Variants in KCNT2 observed in about 807,000 individuals in gnomAD.
KCNT2 encodes the protein potassium channel subfamily T member 2.
In KCNT2, 67 loss-of-function variants were observed where a neutral mutation model predicts 153.8. The ratio of observed to expected loss-of-function variants is 0.44; its 90% CI spans 0.36 to 0.53. KCNT2 has a LOEUF of 0.53. Ranked by LOEUF, KCNT2 falls within the 20% of genes least tolerant of loss-of-function variation. The pLI, the probability that KCNT2 is intolerant of heterozygous loss-of-function variation, is 0.00. For missense variants in KCNT2, 975 were observed against 1,354.8 expected, an observed-to-expected ratio of 0.72 and a Z score of 4.40; for synonymous variants, 500 against 458.8, an observed-to-expected ratio of 1.09 and a Z score of -1.15.
At chr1:196,305,194 G>A (rs1028477785) in intron 22 of KCNT2, 40 bp downstream of exon 22, 2 of 1,140,970 alleles carry the variant, frequency 1.8e-6, no homozygotes, top group African/African-American at 3.1e-5. Context: ...TCTGAATAAA[G>A]ATGGTTAAAT....
intron 8 of KCNT2, among the ~76,000 whole-genome samples, chr1:196,458,881 G>A (rs540755184): frequency 4.7e-4 from 71 of 151,954 alleles, no homozygotes; most frequent in Middle Eastern, 6.8e-3. Flanking sequence ...AACTTAATTA[G>A]CAATGGCATT....
At chr1:196,256,725 T>C (rs1293951441) in intron 26 of KCNT2, among the ~76,000 whole-genome samples, 1 of 150,428 alleles carries the variant, frequency 6.6e-6, no homozygotes, top group East Asian at 1.9e-4. Context: ...TATATATATA[T>C]ATATATCCTT....
intron 20 of KCNT2, among the ~76,000 whole-genome samples, chr1:196,316,681 A>G (rs1401955454): frequency 4.6e-5 from 7 of 151,682 alleles, no homozygotes; most frequent in Non-Finnish European, 8.9e-5. Flanking sequence ...AGTAATTGCT[A>G]AAGTAGGAAA....
In KCNT2 at chr1:196,400,205, G is replaced by T. The variant is rs934362910; in HGVS notation, c.1186-1534C>A. 1.3e-5 allele frequency among the ~76,000 whole-genome samples: 2 copies of T among 151,650 alleles called. 1 individual carries two copies. Among genetic ancestry groups the T allele is most frequent in the Admixed American group, 1.3e-4 (2 of 15,156 alleles). ...ATGCTTTTAAATCTGAGGTTTGAGGGTTATAGATAACTTAATGGAGGATTA... is the reference window on the plus strand; with the variant it reads ...ATGCTTTTAAATCTGAGGTTTGAGGTTTATAGATAACTTAATGGAGGATTA... On this transcript the variant is annotated intron_variant, in intron 12 of 27. Coordinates refer to ENST00000294725, the MANE Select transcript of KCNT2 (RefSeq NM_198503.5).
chr1:196,437,471 A>G (rs998662689), intron 8 of KCNT2, among the ~76,000 whole-genome samples: 1 of 145,014 alleles, frequency 6.9e-6, no homozygotes, highest in Non-Finnish European at 1.5e-5. Flanking sequence ...CATTTTGTTT[A>G]TTATCCTATA....
chr1:196,291,776 T>C (rs2147920146), intron 22 of KCNT2, among the ~76,000 whole-genome samples: 1 of 152,286 alleles, frequency 6.6e-6, no homozygotes, highest in South Asian at 2.1e-4. Flanking sequence ...ACTTCCGACT[T>C]ATTTTAAATT....
At chr1:196,334,578 G>A (rs1473574840) in intron 16 of KCNT2, among the ~76,000 whole-genome samples, 1 of 144,584 alleles carries the variant, frequency 6.9e-6, no homozygotes, top group Non-Finnish European at 1.5e-5. Context: ...AGGTTCAAGC[G>A]CCCCCTTTTC....
intron 8 of KCNT2, among the ~76,000 whole-genome samples, chr1:196,454,662 G>A (rs746459663): frequency 5.3e-5 from 8 of 151,802 alleles, no homozygotes; most frequent in Non-Finnish European, 1.0e-4. Flanking sequence ...TATATACCCA[G>A]TAATGGAATT....
At chr1:196,284,147 C>G (rs1386742284) in intron 23 of KCNT2, among the ~76,000 whole-genome samples, 21 of 143,918 alleles carry the variant, frequency 1.5e-4, no homozygotes, top group African/African-American at 5.4e-4. Context: ...AGGAGAATTG[C>G]ATGAACCTGG....
chr1:196,252,063 A>T (rs1278077822), intron 26 of KCNT2, among the ~76,000 whole-genome samples: 1 of 151,706 alleles, frequency 6.6e-6, no homozygotes. Context: ...AATTGTTAAT[A>T]TATTAGGGTT....
chr1:196,497,139 T>A (rs1680321033), intron 1 of KCNT2, among the ~76,000 whole-genome samples: 1 of 152,198 alleles, frequency 6.6e-6, no homozygotes, highest in Non-Finnish European at 1.5e-5. Context: ...TAATTACACT[T>A]GGCCCTTTGT....
intron 13 of KCNT2, among the ~76,000 whole-genome samples, chr1:196,378,680 C>T (rs12407653): frequency 0.3 from 44,152 of 147,980 alleles, 9,970 homozygotes; most frequent in African/African-American, 0.64. Flanking sequence ...TTTATATAGA[C>T]AAACAACATT....
chr1:196,291,836 A>C (rs965231940), intron 22 of KCNT2, among the ~76,000 whole-genome samples: 4 of 152,196 alleles, frequency 2.6e-5, no homozygotes, highest in Admixed American at 1.3e-4. Flanking sequence ...AGAATTTTTC[A>C]CTTCACTAAT....
intron 20 of KCNT2, 80 bp downstream of exon 20, chr1:196,319,404 A>G: frequency 2.5e-6 from 2 of 803,854 alleles, no homozygotes; most frequent in Non-Finnish European, 4.1e-6. Context: ...AATTACACTC[A>G]TCATGCAGTA....
chr1:196,569,930 T>A (rs907286964), intron 1 of KCNT2, among the ~76,000 whole-genome samples: 6 of 151,708 alleles, frequency 4.0e-5, no homozygotes, highest in African/African-American at 1.5e-4. Flanking sequence ...CTTCTAGGGG[T>A]GAAGAAAGGT....
chr1:196,602,296 T>C (rs902518919), intron 1 of KCNT2, among the ~76,000 whole-genome samples: 1 of 152,216 alleles, frequency 6.6e-6, no homozygotes, highest in Admixed American at 6.5e-5. Flanking sequence ...TGCTTTATTT[T>C]CTAAAGACAA....
intron 7 of KCNT2, among the ~76,000 whole-genome samples, chr1:196,466,825 C>T (rs771411456): frequency 6.6e-6 from 1 of 151,946 alleles, no homozygotes; most frequent in Non-Finnish European, 1.5e-5. Flanking sequence ...TTACAGCTAG[C>T]TTTGAAGTAC....
chr1:196,579,463 C>T (rs1440262922), intron 1 of KCNT2, among the ~76,000 whole-genome samples: 2 of 151,868 alleles, frequency 1.3e-5, no homozygotes, highest in African/African-American at 4.8e-5. Context: ...CACATGTACC[C>T]CTAAACCTAA....
intron 13 of KCNT2, among the ~76,000 whole-genome samples, chr1:196,393,902 C>T (rs1259173256): frequency 1.3e-5 from 2 of 151,450 alleles, no homozygotes; most frequent in Non-Finnish European, 3.0e-5. Flanking sequence ...TACAAAAACA[C>T]ATTTTTGTAT....
Sources: gnomAD v4.1 joint callset for allele counts (sites outside exome capture counted in the v4.1 genomes callset) on GRCh38, gnomAD v4.1.1 for gene constraint, MANE v1.5 for transcripts, NCBI Gene and HGNC (gene_info 2026-07-23, HGNC 2026-07-21) for gene names.